The following USP8 variants were observed in gnomAD, a reference collection of about 807,000 sequenced individuals.
USP8 encodes ubiquitin specific peptidase 8.
USP8 carries 27 observed loss-of-function variants against 130.0 expected under a neutral mutation model. That is an observed-to-expected ratio of 0.21 (90% CI 0.15 to 0.29). The LOEUF is 0.29. Ranked by LOEUF, USP8 falls within the 10% of genes least tolerant of loss-of-function variation. The pLI, the probability that USP8 is intolerant of heterozygous loss-of-function variation, is 1.00. For missense variants in USP8, 1,029 were observed against 1,312.2 expected (o/e 0.78, Z 3.33); for synonymous variants, 392 against 444.1 (o/e 0.88, Z 1.48).
chr15:50,472,644 C>T (rs1167616690), intron 8 of USP8, among the ~76,000 whole-genome samples: 2 of 150,376 alleles, frequency 1.3e-5, no homozygotes, highest in Non-Finnish European at 3.0e-5. Flanking sequence ...GGCGTGGTGG[C>T]CCATGCCTGT....
rs1212886959 is a variant in USP8, at chr15:50,504,561, T to C, written c.*5473T>C. On this transcript the variant is annotated 3_prime_UTR_variant, in exon 20 of 20. Coordinates refer to ENST00000307179, the MANE Select transcript of USP8 (RefSeq NM_005154.5). Reference sequence around the variant, plus strand: ...AAAAAACACCAGAAAAGACACCATTTTATATAGGGCCCTTGAGCATCTGTG... The same window carrying C: ...AAAAAACACCAGAAAAGACACCATTCTATATAGGGCCCTTGAGCATCTGTG... The C allele has an allele frequency of 1.3e-5, 2 of 152,114 alleles. No individual in the cohort carries two copies. The highest frequency in any genetic ancestry group is 3.8e-4 in the East Asian group (2 of 5,198). 9.4% of individuals were successfully genotyped at this position (152,114 alleles called of 1,614,324 possible).
At chr15:50,431,085 C>T (rs567740801) in intron 1 of USP8, among the ~76,000 whole-genome samples, 1 of 151,714 alleles carries the variant, frequency 6.6e-6, no homozygotes, top group South Asian at 2.1e-4. Flanking sequence ...GTAAACTGAT[C>T]AGTTTTAAAC....
intron 7 of USP8, among the ~76,000 whole-genome samples, chr15:50,465,789 C>T (rs1202567584): frequency 1.3e-5 from 2 of 152,168 alleles, no homozygotes; most frequent in Non-Finnish European, 2.9e-5. Flanking sequence ...AGAGTATAGT[C>T]TCTGATGCCA....
intron 15 of USP8, chr15:50,493,622 A>G (rs1398910077): frequency 2.0e-5 from 8 of 409,162 alleles, no homozygotes; most frequent in Middle Eastern, 8.9e-4. Context: ...ATACATGCCT[A>G]TAGTCCCTGC....
chr15:50,479,784 G>A (rs545751088), intron 10 of USP8, among the ~76,000 whole-genome samples: 3 of 150,348 alleles, frequency 2.0e-5, no homozygotes, highest in East Asian at 3.9e-4. Flanking sequence ...TTTTGAAAAC[G>A]GTCTCACTCT....
chr15:50,476,246 A>G (rs1178810919), intron 8 of USP8, among the ~76,000 whole-genome samples: 2 of 152,210 alleles, frequency 1.3e-5, no homozygotes, highest in Non-Finnish European at 2.9e-5. Flanking sequence ...CCTGGGCAAC[A>G]TGGCGAAACC....
At chr15:50,434,124 G>GTTTTGTTTTT (rs2050023521) in intron 1 of USP8, among the ~76,000 whole-genome samples, 1 of 150,752 alleles carries the variant, frequency 6.6e-6, no homozygotes, top group Admixed American at 6.6e-5. Flanking sequence ...GTTTTGTTTT[G>GTTTTGTTTTT]TTTTGTTTTG....
Position 50,477,597 on chromosome 15 carries a change from T to C in USP8, c.1218+98T>C, listed in dbSNP as rs568164175. On this transcript the variant is annotated intron_variant, in intron 10 of 19. Transcript: ENST00000307179. ...CCTCACGCCTGTAATCCCAGCACTT[T>C]GGGAGGCTGAGAGGGGCAGATCACC... 1.6e-4 allele frequency: 193 copies of C among 1,175,808 alleles called. No homozygotes were observed. In the African/African-American group the frequency reaches 2.9e-3, roughly 17 times the overall value. The allele number at this position is 1,175,808 out of a possible 1,614,324, so 72.8% of individuals were successfully genotyped here. A position where few individuals can be genotyped will look rare whatever the true frequency, so the allele number is the denominator to read the frequency against.
intron 18 of USP8, 88 bp from the exon 19 acceptor site, chr15:50,498,508 G>C: frequency 6.9e-7 from 1 of 1,440,886 alleles, no homozygotes; most frequent in African/African-American, 1.4e-5. Context: ...GGATTTTACA[G>C]TCCTGGCTAA....
At chr15:50,470,050 CT>C (rs1486132102) in intron 7 of USP8, among the ~76,000 whole-genome samples, 1 of 152,110 alleles carries the variant, frequency 6.6e-6, no homozygotes, top group East Asian at 1.9e-4. Flanking sequence ...CCAGGCTGGT[CT>C]CGAACTCCTG....
At chr15:50,434,151 C>T (rs1397595826) in intron 1 of USP8, among the ~76,000 whole-genome samples, 1 of 136,442 alleles carries the variant, frequency 7.3e-6, no homozygotes, top group Non-Finnish European at 1.6e-5. Flanking sequence ...AAGACAGAGT[C>T]TTGCTCTGTC....
chr15:50,488,338 C>A (rs1417831099), intron 12 of USP8, among the ~76,000 whole-genome samples: 1 of 151,922 alleles, frequency 6.6e-6, no homozygotes, highest in Non-Finnish European at 1.5e-5. Flanking sequence ...TGCCATTTGC[C>A]TTCATTTTGA....
chr15:50,453,370 A>G (rs4774570), intron 4 of USP8, among the ~76,000 whole-genome samples: 21,855 of 152,202 alleles, frequency 0.14, 2,013 homozygotes, highest in Middle Eastern at 0.28. Context: ...TTATTTTGAA[A>G]TATTTTCTAA....
chr15:50,474,817 CTG>C (rs1350358530), intron 8 of USP8, among the ~76,000 whole-genome samples: 1 of 152,068 alleles, frequency 6.6e-6, no homozygotes, highest in Non-Finnish European at 1.5e-5. Context: ...AAAATGAAGA[CTG>C]TGTTTATGGC....
chr15:50,492,618 C>T (rs2052218881), intron 14 of USP8, 83 bp from the exon 15 acceptor site: 6 of 1,382,622 alleles, frequency 4.3e-6, no homozygotes, highest in Non-Finnish European at 5.9e-6. Flanking sequence ...ACAGGTGCTA[C>T]AGTTTGCTGC....
At chr15:50,437,432 G>A (rs28582911) in intron 1 of USP8, among the ~76,000 whole-genome samples, 71,570 of 152,024 alleles carry the variant, frequency 0.47, 17,241 homozygotes, top group East Asian at 0.58. Context: ...ATAGAGTATC[G>A]TATTACACAT....
rs370716283 is a variant in USP8 at position 50,484,349 on chromosome 15, C to T, written c.1878C>T (p.Thr626=). The T allele has an allele frequency of 3.4e-5, 54 of 1,608,614 alleles. No individual in the cohort carries two copies. In the Middle Eastern group the frequency reaches 5.0e-4, roughly 15 times the overall value. The change falls in exon 12 of 20, where the codon ACC becomes ACT. Residue 626 remains threonine, a synonymous_variant. Coordinates refer to ENST00000307179, the MANE Select transcript of USP8 (RefSeq NM_005154.5). ...CTTTTAGAGAGGATACAGACGATAC[C>T]GAAAGAAATAAAGTAAGTAGTTTAT... ...TGTFREDTDD[T]ERNKAQREPL...
intron 1 of USP8, among the ~76,000 whole-genome samples, chr15:50,430,992 T>C (rs2049912142): frequency 6.6e-6 from 1 of 152,178 alleles, no homozygotes; most frequent in Non-Finnish European, 1.5e-5. Flanking sequence ...CATCCTGCAG[T>C]GCACATTGCA....
At position 50,501,037 on chromosome 15, in the gene USP8, C is replaced by A; in HGVS notation, c.*1949C>A. On this transcript the variant is annotated 3_prime_UTR_variant, in exon 20 of 20. Coordinates refer to ENST00000307179, the MANE Select transcript of USP8 (RefSeq NM_005154.5). ...TCATTGTAACTACTTATATGTTGTGCCCATTGACTATCATCTGTGAATAAA... is the reference window on the plus strand; with the variant it reads ...TCATTGTAACTACTTATATGTTGTGACCATTGACTATCATCTGTGAATAAA... 1 of 521,474 alleles carries A rather than the reference C, an allele frequency of 1.9e-6. No homozygotes were observed. The highest frequency in any genetic ancestry group is 3.1e-5 in the Admixed American group (1 of 32,100). The allele number at this position is 521,474 out of a possible 1,614,324, so 32.3% of individuals were successfully genotyped here. A position where few individuals can be genotyped will look rare whatever the true frequency, so the allele number is the denominator to read the frequency against.
Sources: gnomAD v4.1 joint callset for allele counts (sites outside exome capture counted in the v4.1 genomes callset) on GRCh38, gnomAD v4.1.1 for gene constraint, MANE v1.5 for transcripts, NCBI Gene and HGNC (gene_info 2026-07-23, HGNC 2026-07-21) for gene names.